Variants in DNAJC21 observed in about 807,000 individuals in gnomAD.
DNAJC21 encodes DnaJ heat shock protein family (Hsp40) member C21, also known as dnaJ homolog subfamily C member 21.
DNAJC21 carries 63 observed loss-of-function variants against 72.4 expected under a neutral mutation model. The ratio of observed to expected loss-of-function variants is 0.87; its 90% CI spans 0.71 to 1.07. The LOEUF is 1.07. DNAJC21 is among the 50% of genes least tolerant of loss of function. The probability of loss-of-function intolerance (pLI) is 0.00; values close to 1 mark genes in which losing one functional copy is unlikely to be tolerated. For synonymous variants in DNAJC21, 203 were observed against 216.7 expected, an observed-to-expected ratio of 0.94 and a Z score of 0.56; for missense variants, 634 against 644.8, an observed-to-expected ratio of 0.98 and a Z score of 0.18.
chr5:34,938,036 G>A (rs912636409), intron 5 of DNAJC21, among the ~76,000 whole-genome samples: 5 of 152,112 alleles, frequency 3.3e-5, no homozygotes, highest in African/African-American at 4.8e-5. Flanking sequence ...GGCCTCAAGC[G>A]ATCTGCCCGC....
At chr5:34,935,538 T>C (rs537749825) in intron 2 of DNAJC21, among the ~76,000 whole-genome samples, 172 bp from the exon 3 acceptor site, 4 of 152,354 alleles carry the variant, frequency 2.6e-5, no homozygotes, top group African/African-American at 9.6e-5. Context: ...TTAACAGTTC[T>C]GTGAAAGATT....
intron 1 of DNAJC21, among the ~76,000 whole-genome samples, chr5:34,932,858 C>T (rs1344711018): frequency 3.3e-5 from 5 of 152,252 alleles, no homozygotes; most frequent in Admixed American, 2.6e-4. Context: ...AAGGTAGAAA[C>T]TGCAGTCTTT....
At chr5:34,936,543 C>A (rs1458563241) in intron 4 of DNAJC21, among the ~76,000 whole-genome samples, 1 of 152,122 alleles carries the variant, frequency 6.6e-6, no homozygotes, top group Non-Finnish European at 1.5e-5. Flanking sequence ...TGATCTTGAA[C>A]TCCTGGCCTC....
chr5:34,948,258 C>T (rs557670328), intron 9 of DNAJC21, among the ~76,000 whole-genome samples: 7 of 152,322 alleles, frequency 4.6e-5, no homozygotes, highest in Non-Finnish European at 8.8e-5. Flanking sequence ...ACACCCCTAG[C>T]AGTGAGTACA....
At chr5:34,936,672 G>A (rs1376197012) in intron 4 of DNAJC21, among the ~76,000 whole-genome samples, 2 of 152,088 alleles carry the variant, frequency 1.3e-5, no homozygotes, top group South Asian at 2.1e-4. Flanking sequence ...ACCTCTCTTT[G>A]TCTCTCTTCC....
At chr5:34,950,633 C>T (rs528960183) in intron 10 of DNAJC21, 96 of 1,038,166 alleles carry the variant, frequency 9.2e-5, no homozygotes, top group Non-Finnish European at 1.1e-4. Context: ...CTGATTTTGT[C>T]GTGGATCATT....
At position 34,929,816 on chromosome 5, in the gene DNAJC21, G is replaced by A. The variant is rs1285922561; in HGVS notation, c.-4G>A. On this transcript the variant is annotated 5_prime_UTR_variant, in exon 1 of 12. Transcript: ENST00000648817. ...CCAGCGCCGGCCGCCCGCCCGGTCGGGCGATGAAGTGTCACTATGAGGCGC... is the reference window on the plus strand; with the variant it reads ...CCAGCGCCGGCCGCCCGCCCGGTCGAGCGATGAAGTGTCACTATGAGGCGC... 4.7e-6 allele frequency: 7 copies of A among 1,500,564 alleles called. No homozygotes were observed. Among genetic ancestry groups the A allele is most frequent in the Non-Finnish European group, 6.3e-6 (7 of 1,118,714 alleles). The allele number at this position is 1,500,564 out of a possible 1,614,324, so 93.0% of individuals were successfully genotyped here. A position where few individuals can be genotyped will look rare whatever the true frequency, so the allele number is the denominator to read the frequency against.
At chr5:34,949,934 G>A (rs529095881) in intron 9 of DNAJC21, among the ~76,000 whole-genome samples, 1 of 152,272 alleles carries the variant, frequency 6.6e-6, no homozygotes, top group South Asian at 2.1e-4. Flanking sequence ...TTGGAAACAT[G>A]ATACTTAAGC....
At chr5:34,935,971 T>C in intron 3 of DNAJC21, 138 bp downstream of exon 3, 1 of 1,402,868 alleles carries the variant, frequency 7.1e-7, no homozygotes, top group Non-Finnish European at 9.7e-7. Flanking sequence ...ATTGCCTTCA[T>C]GTTTAAGCTG....
chr5:34,936,136 T>G lies in DNAJC21; in HGVS notation c.316-8T>G, dbSNP rs182094106. The G allele has an allele frequency of 2.9e-3, 4,695 of 1,602,390 alleles. 10 individuals carry two copies. The highest frequency in any genetic ancestry group is 3.5e-3 in the Non-Finnish European group (4,149 of 1,176,746). On this transcript the variant is annotated splice_polypyrimidine_tract_variant and splice_region_variant and intron_variant, in intron 3 of 11. Coordinates refer to ENST00000648817, the MANE Select transcript of DNAJC21 (RefSeq NM_001012339.3). ...TATTAAGAATTTGTTTTTGTTACTG[T>G]TTTTTAGGGATTTTACACGGTGTAT...
At chr5:34,953,772 T>A (rs776179570) in intron 10 of DNAJC21, 154 bp from the exon 11 acceptor site, 21 of 436,760 alleles carry the variant, frequency 4.8e-5, no homozygotes, top group Non-Finnish European at 8.3e-5. Context: ...AGATGTTCAT[T>A]TAAGATGTAA....
At chr5:34,949,584 T>G in intron 9 of DNAJC21, 1 of 1,575,632 alleles carries the variant, frequency 6.3e-7, no homozygotes, top group Non-Finnish European at 8.6e-7. Flanking sequence ...CAGCTCACTT[T>G]CAGATGGCTT....
chr5:34,942,912 T>C (rs62356991), intron 7 of DNAJC21, among the ~76,000 whole-genome samples: 24,027 of 152,070 alleles, frequency 0.16, 2,096 homozygotes, highest in South Asian at 0.22. Flanking sequence ...CTACTAAAAC[T>C]ACAAAATTAG....
chr5:34,931,234 C>A (rs1764583057), intron 1 of DNAJC21, among the ~76,000 whole-genome samples: 1 of 152,082 alleles, frequency 6.6e-6, no homozygotes, highest in Non-Finnish European at 1.5e-5. Flanking sequence ...TGCTTACCAA[C>A]AGAGGCGTGA....
intron 2 of DNAJC21, among the ~76,000 whole-genome samples, 179 bp downstream of exon 2, chr5:34,934,087 G>A (rs1333235519): frequency 6.6e-6 from 1 of 152,028 alleles, no homozygotes; most frequent in African/African-American, 2.4e-5. Context: ...GGAAATGATT[G>A]CTCCAATTAT....
intron 10 of DNAJC21, chr5:34,952,387 A>C: frequency 2.3e-6 from 1 of 436,046 alleles, no homozygotes; most frequent in Non-Finnish European, 3.1e-6. Context: ...TACACTCCTA[A>C]TCTGCATTTT....
At position 34,948,725 on chromosome 5, in the gene DNAJC21, C is replaced by T. The variant is rs188304233; in HGVS notation, c.1186-1445C>T. On this transcript the variant is annotated intron_variant, in intron 9 of 11. Coordinates refer to ENST00000648817, the MANE Select transcript of DNAJC21 (RefSeq NM_001012339.3). The stretch of plus-strand genomic sequence containing the variant: ...ACTAAAAATACAAAAATTAGCCGGG[C>T]GTGGTGCCATGCGCCTGTAATTCCA... 1.7e-3 allele frequency among the ~76,000 whole-genome samples: 254 copies of T among 152,034 alleles called. 1 individual carries two copies. Among genetic ancestry groups the T allele is most frequent in the African/African-American group, 5.8e-3 (242 of 41,468 alleles).
chr5:34,954,594 ATC>A lies in DNAJC21; in HGVS notation c.1479_1480del (p.Arg494GlufsTer2). 6.2e-7 allele frequency: 1 copy of A among 1,613,180 alleles called. No homozygotes were observed. The highest frequency in any genetic ancestry group is 8.5e-7 in the Non-Finnish European group (1 of 1,179,688). The stretch of plus-strand genomic sequence containing the variant: ...GTACAACCTGCCATAGTGAATTTCC[ATC>A]TCGGAATAAACTTTTTGACCATCTA... Reference protein sequence around the residue: ...SCTTCHSEFPSRNKLFDHLKA... With the variant: ...SCTTCHSEFPXRNKLFDHLKA... On this transcript the variant is annotated frameshift_variant, in exon 12 of 12. Coordinates refer to ENST00000648817, the MANE Select transcript of DNAJC21 (RefSeq NM_001012339.3). LOFTEE classifies it high-confidence loss of function.
chr5:34,945,109 A>C (rs1580535114), intron 8 of DNAJC21, 84 bp downstream of exon 8: 16 of 1,508,096 alleles, frequency 1.1e-5, no homozygotes, highest in Non-Finnish European at 1.3e-5. Context: ...ATGGAGAATC[A>C]CTCTGTTGCC....
Sources: allele counts gnomAD v4.1 joint callset (sites outside exome capture counted in the v4.1 genomes callset), GRCh38; gene constraint gnomAD v4.1.1; transcripts MANE v1.5; gene names NCBI Gene and HGNC (gene_info 2026-07-23, HGNC 2026-07-21).